The following AFAP1 variants were observed in gnomAD, a reference collection of about 807,000 sequenced individuals.
AFAP1 encodes actin filament-associated protein 1.
In AFAP1, 75 loss-of-function variants were observed where a neutral mutation model predicts 93.9. The observed-to-expected ratio is 0.80, with a 90% confidence interval of 0.66 to 0.97. The LOEUF (loss-of-function observed/expected upper bound fraction) is 0.97. Among genes scored for constraint, AFAP1 ranks in the 50% least tolerant of loss-of-function variants. The pLI, the probability that AFAP1 is intolerant of heterozygous loss-of-function variation, is 0.00. For missense variants in AFAP1, 1,201 were observed against 1,050.8 expected, an observed-to-expected ratio of 1.14 and a Z score of -1.98; for synonymous variants, 517 against 430.7, an observed-to-expected ratio of 1.20 and a Z score of -2.48.
At chr4:7,773,119 G>A (rs1015107029) in intron 15 of AFAP1, 109 bp from the exon 16 acceptor site, 3 of 1,458,602 alleles carry the variant, frequency 2.1e-6, no homozygotes, top group East Asian at 2.5e-5. Context: ...CTGAGGTCGA[G>A]CTCCCCTGAC....
chr4:7,882,968 T>C (rs1195999899), intron 1 of AFAP1, among the ~76,000 whole-genome samples: 1 of 152,042 alleles, frequency 6.6e-6, no homozygotes, highest in Non-Finnish European at 1.5e-5. Context: ...GCAGATTGCT[T>C]GAGCCAGCGA....
intron 4 of AFAP1, among the ~76,000 whole-genome samples, chr4:7,854,835 C>G (rs904236143): frequency 6.6e-6 from 1 of 152,158 alleles, no homozygotes; most frequent in African/African-American, 2.4e-5. Flanking sequence ...ATAGAGCCAC[C>G]AATTCAGAAA....
In AFAP1 at chr4:7,813,036, G is replaced by A. The variant is rs570493134; in HGVS notation, c.904+2982C>T. 9.9e-5 allele frequency among the ~76,000 whole-genome samples: 15 copies of A among 152,246 alleles called. No individual in the cohort carries two copies. In the East Asian group the frequency reaches 1.4e-3, roughly 14 times the overall value. On this transcript the variant is annotated intron_variant, in intron 8 of 17. Transcript: ENST00000420658. ...CGGTTTATTAGACAGGAGGGATTCCGCCTTGAGAGAAGAAACAGGAGTTCC... is the reference window on the plus strand; with the variant it reads ...CGGTTTATTAGACAGGAGGGATTCCACCTTGAGAGAAGAAACAGGAGTTCC...
At chr4:7,798,810 A>G in intron 10 of AFAP1, 4 of 886,948 alleles carry the variant, frequency 4.5e-6, no homozygotes, top group Non-Finnish European at 5.4e-6. Flanking sequence ...TTCACCAAAC[A>G]GCTCCTGACT....
At chr4:7,837,362 G>A (rs1307484888) in intron 6 of AFAP1, among the ~76,000 whole-genome samples, 1 of 152,164 alleles carries the variant, frequency 6.6e-6, no homozygotes, top group Admixed American at 6.5e-5. Context: ...CCCCATGAAT[G>A]GGATTGGTAC....
chr4:7,839,567 T>C (rs1712740359), intron 5 of AFAP1, among the ~76,000 whole-genome samples: 1 of 152,210 alleles, frequency 6.6e-6, no homozygotes, highest in South Asian at 2.1e-4. Flanking sequence ...TCATCTTCTC[T>C]TTCTGAAAGA....
At position 7,858,500 on chromosome 4, in the gene AFAP1, A is replaced by G. The variant is rs1048623944; in HGVS notation, c.226-2926T>C. 2.0e-5 allele frequency among the ~76,000 whole-genome samples: 3 copies of G among 152,306 alleles called. No homozygotes were observed. The East Asian group carries it at 5.8e-4, about 29-fold the overall frequency. ...CAGGAGAAGGGCCGAAATGATGAGC[A>G]AACTGTCACCACCACTGCTTTTAGA... On this transcript the variant is annotated intron_variant, in intron 3 of 17. Coordinates refer to ENST00000420658, the MANE Select transcript of AFAP1 (RefSeq NM_001134647.2).
At chr4:7,871,577 C>T (rs1237165151) in intron 2 of AFAP1, among the ~76,000 whole-genome samples, 1 of 152,172 alleles carries the variant, frequency 6.6e-6, no homozygotes, top group African/African-American at 2.4e-5. Flanking sequence ...CTCCATGTTC[C>T]GCCTACATCT....
intron 1 of AFAP1, among the ~76,000 whole-genome samples, chr4:7,932,299 C>T (rs186960216): frequency 2.0e-5 from 3 of 152,232 alleles, no homozygotes; most frequent in East Asian, 1.9e-4. Flanking sequence ...ACTTGGTGAC[C>T]ACCATCAGTT....
At chr4:7,887,163 C>T (rs532905677) in intron 1 of AFAP1, among the ~76,000 whole-genome samples, 2 of 152,212 alleles carry the variant, frequency 1.3e-5, no homozygotes, top group South Asian at 4.2e-4. Flanking sequence ...TAGGAAGGGG[C>T]ACACCAGTCA....
At chr4:7,889,544 A>G (rs1221052769) in intron 1 of AFAP1, among the ~76,000 whole-genome samples, 17 of 144,832 alleles carry the variant, frequency 1.2e-4, no homozygotes, top group African/African-American at 3.7e-4. Context: ...CTCCATCCCA[A>G]AAAAAAAAAA....
intron 4 of AFAP1, among the ~76,000 whole-genome samples, chr4:7,846,423 C>T (rs1713708972): frequency 6.6e-6 from 1 of 152,222 alleles, no homozygotes; most frequent in Non-Finnish European, 1.5e-5. Flanking sequence ...AGATCGCGTG[C>T]TGTGCTACGA....
At chr4:7,938,879 G>A (rs34740645) in intron 1 of AFAP1, 54,543 of 151,832 alleles carry the variant, frequency 0.36, 10,681 homozygotes, top group African/African-American at 0.51. Context: ...GCCCCCCGGG[G>A]CCCGCCGGCC....
rs1025531117 is a variant in AFAP1, at chr4:7,760,397, T to G, written c.*3368A>C. On this transcript the variant is annotated 3_prime_UTR_variant, in exon 18 of 18. Transcript: ENST00000420658. ...CGCCCGCCAGCCCCAAGGGAAGGTC[T>G]CAAGGAAGGCCCCATGGACAGTGGC... 6.6e-6 allele frequency: 1 copy of G among 152,470 alleles called. No individual in the cohort carries two copies. Among genetic ancestry groups the G allele is most frequent in the African/African-American group, 2.4e-5 (1 of 41,454 alleles). 9.4% of individuals were successfully genotyped at this position (152,470 alleles called of 1,614,324 possible).
At position 7,873,242 on chromosome 4, in the gene AFAP1, CAA is replaced by C. The variant is rs1195209480; in HGVS notation, c.-2-1164_-2-1163del. On this transcript the variant is annotated intron_variant, in intron 1 of 17. Coordinates refer to ENST00000420658, the MANE Select transcript of AFAP1 (RefSeq NM_001134647.2). ...TGGGCGACAGTGGGAGACTCTGTCT[CAA>C]AAAAAAAAAAAAAAAAACCCCACTT... Among the ~76,000 whole-genome samples, 313 of 64,122 alleles carry C rather than the reference CAA, an allele frequency of 4.9e-3. 1 individual carries two copies. Among genetic ancestry groups the C allele is most frequent in the Middle Eastern group, 0.014 (1 of 72 alleles). 42.1% of individuals were successfully genotyped at this position (64,122 alleles called of 152,430 possible).
chr4:7,897,085 C>T (rs1043404346), intron 1 of AFAP1, among the ~76,000 whole-genome samples: 9 of 152,154 alleles, frequency 5.9e-5, no homozygotes, highest in African/African-American at 2.2e-4. Flanking sequence ...TTCCTCCAAT[C>T]CCATGATGTT....
chr4:7,884,494 C>T (rs1718031855), intron 1 of AFAP1, among the ~76,000 whole-genome samples: 1 of 144,258 alleles, frequency 6.9e-6, no homozygotes, highest in South Asian at 2.1e-4. Context: ...TCATTAAAAC[C>T]ATTTGATACT....
intron 1 of AFAP1, among the ~76,000 whole-genome samples, chr4:7,878,565 C>G (rs1269547319): frequency 6.6e-6 from 1 of 152,202 alleles, no homozygotes; most frequent in East Asian, 1.9e-4. Flanking sequence ...CTTTACAATA[C>G]AGGCTCTCCT....
intron 1 of AFAP1, among the ~76,000 whole-genome samples, chr4:7,913,409 T>A (rs560854043): frequency 0.032 from 4,604 of 143,012 alleles, 128 homozygotes; most frequent in South Asian, 0.069. Flanking sequence ...AAAAAAAAAA[T>A]GCTAGCGCAT....
Sources: gnomAD v4.1 joint callset for allele counts (sites outside exome capture counted in the v4.1 genomes callset) on GRCh38, gnomAD v4.1.1 for gene constraint, MANE v1.5 for transcripts, NCBI Gene and HGNC (gene_info 2026-07-23, HGNC 2026-07-21) for gene names.